Variants in SETD1B observed in about 807,000 individuals in gnomAD.
SETD1B encodes the protein SET domain containing 1B, histone lysine methyltransferase.
A neutral mutation model predicts 148.0 loss-of-function variants in SETD1B; 7 were observed. The observed-to-expected ratio is 0.05, with a 90% CI of 0.03 to 0.09. SETD1B has a LOEUF of 0.09. SETD1B is among the 10% of genes least tolerant of loss of function. The probability of loss-of-function intolerance (pLI) is 1.00; values close to 1 mark genes in which losing one functional copy is unlikely to be tolerated. For missense variants in SETD1B, 2,155 were observed against 2,729.9 expected, an observed-to-expected ratio of 0.79 and a Z score of 4.69; for synonymous variants, 1,361 against 1,186.5, an observed-to-expected ratio of 1.15 and a Z score of -3.02.
the SETD1B span, chr12:121,793,930 C>G: frequency 3.4e-6 from 1 of 295,378 alleles, no homozygotes; most frequent in Non-Finnish European, 6.2e-6. Context: ...TCGCGCCCCT[C>G]GCCGGCGAGA....
chr12:121,825,658 A>AG (rs1318814880), intron 13 of SETD1B, among the ~76,000 whole-genome samples: 9 of 150,406 alleles, frequency 6.0e-5, no homozygotes, highest in South Asian at 2.1e-4. Context: ...TTTTTTTTTT[A>AG]GGGGGGGACA....
chr12:121,806,187 AC>A (rs199518815), intron 4 of SETD1B, 82 bp downstream of exon 4: 19 of 1,406,608 alleles, frequency 1.4e-5, no homozygotes, highest in African/African-American at 3.0e-5. Context: ...CGTGGGGAGG[AC>A]CCCCCCTCAC....
In SETD1B at chr12:121,809,764, C is replaced by T. The variant is rs1875923806; in HGVS notation, c.819C>T (p.Thr273=). The change falls in exon 6 of 17, where the codon ACC becomes ACT. Residue 273 remains threonine (T), a synonymous_variant. Coordinates refer to ENST00000604567, the MANE Select transcript of SETD1B (RefSeq NM_001353345.2). ...LDTPNSYGQG[T]PLTPRLGTPF... is the part of the protein sequence containing the mutation. ...CACCCAACTCCTATGGACAGGGCAC[C>T]CCGCTCACACCGCGCCTGGGCACCC... The T allele has an allele frequency of 6.4e-7, 1 of 1,551,550 alleles. No homozygotes were observed. The highest frequency in any genetic ancestry group is 2.0e-5 in the Admixed American group (1 of 50,994).
rs747537518 is a variant in SETD1B at position 121,810,796 on chromosome 12, G to C, written c.1851G>C (p.Leu617=). The change falls in exon 6 of 17, where the codon CTG becomes CTC. Residue 617 remains leucine, a synonymous_variant. Coordinates refer to ENST00000604567, the MANE Select transcript of SETD1B (RefSeq NM_001353345.2). This position sits in a 1 kb window ranked among gnomAD's most constrained non-coding sequence, Gnocchi z 7.6. ...LSQTAEVALD[L]VGDRTPTSEK... is the part of the protein sequence containing the mutation. ...AGACAGCTGAGGTGGCCTTGGACCT[G>C]GTTGGAGACAGAACCCCGACCTCAG... is the stretch of plus-strand genomic sequence containing the variant. 7.8e-5 allele frequency: 119 copies of C among 1,531,758 alleles called. 1 individual carries two copies. The highest frequency in any genetic ancestry group is 7.4e-5 in the East Asian group (3 of 40,526). 94.9% of individuals were successfully genotyped at this position (1,531,758 alleles called of 1,614,324 possible).
At chr12:121,807,157 C>G (rs1875782683) in intron 4 of SETD1B, among the ~76,000 whole-genome samples, 1 of 152,180 alleles carries the variant, frequency 6.6e-6, no homozygotes, top group African/African-American at 2.4e-5. Flanking sequence ...TGACCGAGCT[C>G]TAAGCCGGTG....
At chr12:121,793,965 C>T in the SETD1B span, 3 of 236,746 alleles carry the variant, frequency 1.3e-5, no homozygotes, top group East Asian at 2.7e-4. Context: ...CCCAGCGACT[C>T]CAGGTGCCCC....
chr12:121,799,731 T>TGGGGGGGGGGGGGGGGGGGGGGGGGGGG (rs1308261766), upstream of SETD1B: 4 of 31,716 alleles, frequency 1.3e-4, no homozygotes, highest in Admixed American at 3.0e-4. Flanking sequence ...GGGGGGGGGG[T>TGGGGGGGGGGGGGGGGGGGGGGGGGGGG]GGGGTGGGGC....
chr12:121,823,065 G>A lies in SETD1B; in HGVS notation c.4486G>A (p.Ala1496Thr), dbSNP rs1185834924. ...CGCCGTCTTGCGGGCCCAGGCTCGTGCGCCCACCCCGCTGCCACCCCTGCT... is the reference window on the plus strand; with the variant it reads ...CGCCGTCTTGCGGGCCCAGGCTCGTACGCCCACCCCGCTGCCACCCCTGCT... ...LPAVLRAQAR[A>T]PTPLPPLLPA... The change falls in exon 12 of 17, where the codon GCG becomes ACG. Residue 1496 changes from alanine (A) to threonine (T), a missense_variant. This residue lies in a region of SETD1B where 862 missense variants were observed against 873.8 expected (regional missense o/e 0.99). Coordinates refer to ENST00000604567, the MANE Select transcript of SETD1B (RefSeq NM_001353345.2). 3 of 1,514,970 alleles carry A rather than the reference G, an allele frequency of 2.0e-6. No individual in the cohort carries two copies. The highest frequency in any genetic ancestry group is 2.6e-6 in the Non-Finnish European group (3 of 1,132,212). 93.8% of individuals were successfully genotyped at this position (1,514,970 alleles called of 1,614,324 possible).
chr12:121,809,925 A>G lies in SETD1B; in HGVS notation c.980A>G (p.His327Arg). The G allele has an allele frequency of 6.4e-7, 1 of 1,551,206 alleles. No homozygotes were observed. The highest frequency in any genetic ancestry group is 8.7e-7 in the Non-Finnish European group (1 of 1,146,964). ...GACGCCTACAACCGCCGCCACGAACATCATTATGTACACAATTCTCCCGCG... is the reference window on the plus strand; with the variant it reads ...GACGCCTACAACCGCCGCCACGAACGTCATTATGTACACAATTCTCCCGCG... The part of the protein sequence containing the change: ...FTDAYNRRHE[H>R]HYVHNSPAVT... Residue 327 changes from histidine to arginine, a missense_variant, in exon 6 of 17, where the codon CAT becomes CGT. By Grantham distance (29) the His-to-Arg change is conservative. Transcript: ENST00000604567.
the SETD1B span, chr12:121,793,240 C>T: frequency 1.3e-6 from 2 of 1,550,876 alleles, no homozygotes; most frequent in Non-Finnish European, 1.7e-6. Context: ...GGGCGTAGTG[C>T]TGCGGGAGAG....
chr12:121,817,280 A>T lies in SETD1B; in HGVS notation c.2963A>T (p.Asp988Val), dbSNP rs1876335896. The stretch of plus-strand genomic sequence containing the variant: ...CGGCTGCGGCCCTCGACCTCTGTGG[A>T]TGAGGAAGATGAAGGTTCGTGCTCT... ...QKRLRPSTSVDEEDEESERER... is the reference protein window; with the variant it reads ...QKRLRPSTSVVEEDEESERER... Residue 988 changes from aspartate to valine, a missense_variant, in exon 8 of 17, where the codon GAT (aspartate) becomes GTT (valine). By Grantham distance (152) the Asp-to-Val change is radical. Transcript: ENST00000604567. The surrounding 1 kb of genome is among the most constrained non-coding windows in gnomAD (Gnocchi z 8.1). 6 of 1,550,424 alleles carry T rather than the reference A, an allele frequency of 3.9e-6. No individual in the cohort carries two copies. The South Asian group carries it at 7.1e-5, about 18-fold the overall frequency.
chr12:121,800,791 AACGGCCCCCGAC>A (rs1207404938), upstream of SETD1B: 90 of 149,200 alleles, frequency 6.0e-4, no homozygotes, highest in African/African-American at 2.1e-3. Context: ...CGGCCCCCGA[AACGGCCCCCGAC>A]ACCCGGTCGC....
In SETD1B at chr12:121,804,944, C is replaced by T; in HGVS notation, c.174+33C>T. ...GCCGGCGCGCCCCCCCAGCCGTGCC[C>T]CGCGTCGTGTCCGGGGAGACGCGCC... On this transcript the variant is annotated intron_variant, in intron 2 of 16. Transcript: ENST00000604567. The surrounding 1 kb of genome is among the most constrained non-coding windows in gnomAD (Gnocchi z 4.6). The T allele has an allele frequency of 6.8e-7, 1 of 1,478,854 alleles. No individual in the cohort carries two copies. Among genetic ancestry groups the T allele is most frequent in the Non-Finnish European group, 9.0e-7 (1 of 1,111,040 alleles). The allele number at this position is 1,478,854 out of a possible 1,614,324, so 91.6% of individuals were successfully genotyped here. A position where few individuals can be genotyped will look rare whatever the true frequency, so the allele number is the denominator to read the frequency against.
upstream of SETD1B, chr12:121,799,731 T>TGGGGGGGGGGGGGGGGGGGGG (rs1308261766): frequency 6.3e-5 from 2 of 31,716 alleles, 1 homozygote. Flanking sequence ...GGGGGGGGGG[T>TGGGGGGGGGGGGGGGGGGGGG]GGGGTGGGGC....
chr12:121,824,048 G>A (rs950137787), intron 12 of SETD1B, among the ~76,000 whole-genome samples: 8 of 152,258 alleles, frequency 5.3e-5, no homozygotes, highest in Admixed American at 2.0e-4. Flanking sequence ...CACGGGCGCA[G>A]GGCCTCCTTG....
chr12:121,797,987 C>T, the SETD1B span: 1 of 213,516 alleles, frequency 4.7e-6, no homozygotes, highest in African/African-American at 2.3e-5. Flanking sequence ...AGACCCAGCC[C>T]TGGCCCTCAC....
At position 121,810,889 on chromosome 12, in the gene SETD1B, C is replaced by T; in HGVS notation, c.1890+54C>T. 6.9e-7 allele frequency: 1 copy of T among 1,443,476 alleles called. No individual in the cohort carries two copies. Among genetic ancestry groups the T allele is most frequent in the South Asian group, 1.5e-5 (1 of 67,324 alleles). 89.4% of individuals were successfully genotyped at this position (1,443,476 alleles called of 1,614,324 possible). On this transcript the variant is annotated intron_variant, in intron 6 of 16. Transcript: ENST00000604567. The surrounding 1 kb of genome is among the most constrained non-coding windows in gnomAD (Gnocchi z 7.6). ...GACTGGTTTTGTCTATCTTGTATCT[C>T]CCTTTCCCCCTTCAAGCATTTAGCA...
chr12:121,802,087 TTTTC>T (rs1875399705), upstream of SETD1B: 1 of 152,162 alleles, frequency 6.6e-6, no homozygotes, highest in Admixed American at 6.5e-5. Flanking sequence ...ACAGGGCTGT[TTTTC>T]TTCAAATAGA....
Position 121,822,623 on chromosome 12 carries a change from A to G in SETD1B, c.4044A>G (p.Pro1348=), listed in dbSNP as rs1328643338. 8 of 1,550,866 alleles carry G rather than the reference A, an allele frequency of 5.2e-6. No homozygotes were observed. Among genetic ancestry groups the G allele is most frequent in the Non-Finnish European group, 7.0e-6 (8 of 1,146,688 alleles). The stretch of plus-strand genomic sequence containing the variant: ...CTGAGACCACAGATGCCTCACACCC[A>G]TCTGTCCCTCCGGAGCCCCTTGCCG... ...PEPETTDASH[P]SVPPEPLAED... Residue 1348 remains proline, a synonymous_variant, in exon 12 of 17, where the codon CCA becomes CCG. Transcript: ENST00000604567.
Sources: gnomAD v4.1 joint callset for allele counts (sites outside exome capture counted in the v4.1 genomes callset) on GRCh38, gnomAD v4.1.1 for gene constraint, gnomAD v4.1.1 regional missense constraint, Gnocchi (gnomAD v3.1) non-coding constraint, MANE v1.5 for transcripts, NCBI Gene and HGNC (gene_info 2026-07-23, HGNC 2026-07-21) for gene names.